TANC1: variants seen among roughly 807,000 people sequenced by gnomAD.
The protein encoded by TANC1 is protein TANC1.
TANC1 carries 77 observed loss-of-function variants against 149.7 expected under a neutral mutation model. That is an observed-to-expected ratio of 0.51 (90% confidence interval 0.43 to 0.62). TANC1 has a LOEUF of 0.62. Ranked by LOEUF, TANC1 falls within the 20% of genes least tolerant of loss-of-function variation. The pLI is 0.00. For missense variants in TANC1, 1,985 were observed against 2,321.8 expected (o/e 0.85, Z 2.98); for synonymous variants, 854 against 925.0 (o/e 0.92, Z 1.39).
At chr2:159,201,577 C>T (rs766128746) in intron 19 of TANC1, among the ~76,000 whole-genome samples, 10 of 152,150 alleles carry the variant, frequency 6.6e-5, no homozygotes, top group Non-Finnish European at 8.8e-5. Flanking sequence ...ATCCTGTTCT[C>T]GTTTGGTCCT....
intron 3 of TANC1, among the ~76,000 whole-genome samples, chr2:159,090,815 G>C (rs907114493): frequency 1.3e-5 from 2 of 152,190 alleles, no homozygotes; most frequent in East Asian, 3.9e-4. Context: ...TAAATGTCCA[G>C]TACCCACGGA....
chr2:159,203,779 G>T (rs1051001761), intron 19 of TANC1, among the ~76,000 whole-genome samples: 1 of 151,770 alleles, frequency 6.6e-6, no homozygotes, highest in African/African-American at 2.4e-5. Flanking sequence ...GATTCGCCAT[G>T]TTGCCTAGGC....
chr2:159,229,456 G>A (rs1163303757), intron 26 of TANC1, 122 bp from the exon 27 acceptor site: 6 of 832,770 alleles, frequency 7.2e-6, no homozygotes, highest in South Asian at 3.6e-5. Flanking sequence ...GGCCACCACC[G>A]TAAGTGTTCA....
intron 2 of TANC1, among the ~76,000 whole-genome samples, chr2:159,014,270 C>T (rs564238868): frequency 4.1e-4 from 62 of 152,238 alleles, no homozygotes; most frequent in East Asian, 3.7e-3. Flanking sequence ...AAGCAAGTCA[C>T]GTCTTATGTG....
At chr2:159,036,024 C>G (rs1289333841) in intron 2 of TANC1, among the ~76,000 whole-genome samples, 1 of 152,096 alleles carries the variant, frequency 6.6e-6, no homozygotes, top group African/African-American at 2.4e-5. Context: ...GATGGGTATT[C>G]TTTTATACTT....
At chr2:159,185,149 A>T (rs1307010524) in intron 14 of TANC1, among the ~76,000 whole-genome samples, 1 of 152,256 alleles carries the variant, frequency 6.6e-6, no homozygotes, top group Non-Finnish European at 1.5e-5. Flanking sequence ...TATTGGAATA[A>T]GCAACTCTGT....
rs989050381 is a variant in TANC1, at chr2:159,183,669, A to C, written c.2511-2122A>C. Among the ~76,000 whole-genome samples, 48 of 152,116 alleles carry C rather than the reference A, an allele frequency of 3.2e-4. No homozygotes were observed. The Middle Eastern group carries it at 0.017, about 54-fold the overall frequency. On this transcript the variant is annotated intron_variant, in intron 14 of 26. Transcript: ENST00000263635. Reference sequence around the variant, plus strand: ...CTTGGGATGGGAGGTGGAAGGGCTTAGGGGGCGGGTGGTTTTGTTTGTTTG... The same window carrying C: ...CTTGGGATGGGAGGTGGAAGGGCTTCGGGGGCGGGTGGTTTTGTTTGTTTG...
At chr2:158,977,662 G>C (rs916096203) in intron 1 of TANC1, among the ~76,000 whole-genome samples, 1 of 149,630 alleles carries the variant, frequency 6.7e-6, no homozygotes, top group Admixed American at 6.7e-5. Context: ...AAAAAGCTTT[G>C]ATACCACAAT....
At chr2:159,004,190 G>T in intron 2 of TANC1, 1 of 1,612,622 alleles carries the variant, frequency 6.2e-7, no homozygotes, top group Non-Finnish European at 8.5e-7. Context: ...GCCTTAGGAA[G>T]TTAGCTGAAC....
chr2:159,108,611 T>C (rs2047417106), intron 4 of TANC1, among the ~76,000 whole-genome samples: 2 of 152,140 alleles, frequency 1.3e-5, no homozygotes, highest in African/African-American at 4.8e-5. Context: ...TGAGCACTAG[T>C]GTAAAGCAGA....
At chr2:159,163,976 A>T (rs2054314841) in intron 8 of TANC1, among the ~76,000 whole-genome samples, 1 of 152,226 alleles carries the variant, frequency 6.6e-6, no homozygotes, top group Non-Finnish European at 1.5e-5. Flanking sequence ...TTGTACAGGC[A>T]AGAGGGCCGA....
chr2:159,157,436 A>G (rs1240169692), intron 7 of TANC1, among the ~76,000 whole-genome samples: 3 of 152,192 alleles, frequency 2.0e-5, no homozygotes, highest in Non-Finnish European at 4.4e-5. Context: ...ACACTTGGGA[A>G]AATCCAAAAT....
chr2:159,075,664 A>G (rs2043598139), intron 3 of TANC1, among the ~76,000 whole-genome samples: 1 of 152,202 alleles, frequency 6.6e-6, no homozygotes, highest in African/African-American at 2.4e-5. Flanking sequence ...TATCTTTTTT[A>G]AATACAATGT....
At chr2:159,119,942 G>T (rs935720197) in intron 4 of TANC1, among the ~76,000 whole-genome samples, 2 of 152,184 alleles carry the variant, frequency 1.3e-5, no homozygotes, top group African/African-American at 4.8e-5. Context: ...TCAACAATGA[G>T]GTCAGAGGAG....
chr2:159,182,365 T>G (rs2056582672), intron 14 of TANC1, among the ~76,000 whole-genome samples: 1 of 152,170 alleles, frequency 6.6e-6, no homozygotes, highest in Non-Finnish European at 1.5e-5. Flanking sequence ...CTTAGAGATA[T>G]TTTCATACTT....
At chr2:159,221,705 A>C (rs989565667) in intron 22 of TANC1, among the ~76,000 whole-genome samples, 1 of 152,188 alleles carries the variant, frequency 6.6e-6, no homozygotes, top group Non-Finnish European at 1.5e-5. Flanking sequence ...CATCATGTAC[A>C]TATACTGGTT....
Position 159,090,127 on chromosome 2 carries a change from A to G in TANC1, c.62-7510A>G, listed in dbSNP as rs186661222. On this transcript the variant is annotated intron_variant, in intron 3 of 26. Coordinates refer to ENST00000263635, the MANE Select transcript of TANC1 (RefSeq NM_033394.3). ...CCCATTCCCAGAGGCAGCCACTGCT[A>G]CTGGTTCGATGTGTATCCTTCTCGA... Among the ~76,000 whole-genome samples, 110 of 152,334 alleles carry G rather than the reference A, an allele frequency of 7.2e-4. 1 individual carries two copies. Among genetic ancestry groups the G allele is most frequent in the African/African-American group, 2.5e-3 (102 of 41,584 alleles).
chr2:159,099,168 G>A (rs2046418588), intron 4 of TANC1, among the ~76,000 whole-genome samples: 1 of 152,154 alleles, frequency 6.6e-6, no homozygotes, highest in African/African-American at 2.4e-5. Flanking sequence ...TTCTGGTTTA[G>A]GACAACATTG....
At chr2:158,986,063 T>G (rs2149250516) in intron 1 of TANC1, among the ~76,000 whole-genome samples, 1 of 152,312 alleles carries the variant, frequency 6.6e-6, no homozygotes, top group South Asian at 2.1e-4. Context: ...AGTAAACAGC[T>G]TAGGTTTTGG....
Sources: allele counts gnomAD v4.1 joint callset (sites outside exome capture counted in the v4.1 genomes callset), GRCh38; gene constraint gnomAD v4.1.1; transcripts MANE v1.5; gene names NCBI Gene and HGNC (gene_info 2026-07-23, HGNC 2026-07-21).